The following TCF12 variants were observed in gnomAD, a reference collection of about 807,000 sequenced individuals.
TCF12 encodes the protein DNA-binding protein HTF4.
In TCF12, 45 loss-of-function variants were observed where a neutral mutation model predicts 86.0. That is an observed-to-expected ratio of 0.52 (90% CI 0.41 to 0.67). TCF12 has a LOEUF of 0.67. TCF12 is among the 30% of genes least tolerant of loss of function. TCF12 has a pLI of 0.00. For synonymous variants in TCF12, 330 were observed against 299.6 expected, an observed-to-expected ratio of 1.10 and a Z score of -1.05; for missense variants, 881 against 859.9, an observed-to-expected ratio of 1.02 and a Z score of -0.31.
chr15:57,043,093 A>AG (rs2067003866), intron 3 of TCF12, among the ~76,000 whole-genome samples: 1 of 152,164 alleles, frequency 6.6e-6, no homozygotes, highest in Non-Finnish European at 1.5e-5. Context: ...TCTTTCTTTT[A>AG]AGGCTAAATA....
At chr15:57,128,848 G>A (rs1356258493) in intron 5 of TCF12, among the ~76,000 whole-genome samples, 1 of 152,120 alleles carries the variant, frequency 6.6e-6, no homozygotes, top group Non-Finnish European at 1.5e-5. Flanking sequence ...TCTGTGTTAT[G>A]TTACATAATC....
chr15:56,941,671 GTCT>G (rs765167077), intron 3 of TCF12, among the ~76,000 whole-genome samples: 54 of 150,562 alleles, frequency 3.6e-4, no homozygotes, highest in South Asian at 3.4e-3. Context: ...CACGTGCCTG[GTCT>G]TCTTCTTCTT....
intron 3 of TCF12, among the ~76,000 whole-genome samples, chr15:57,063,245 A>G (rs1395463827): frequency 6.6e-6 from 1 of 152,224 alleles, no homozygotes; most frequent in Non-Finnish European, 1.5e-5. Flanking sequence ...TGTTGATTTG[A>G]TATGGTTGAT....
Position 57,166,395 on chromosome 15 carries a change from T to G in TCF12, c.326-7T>G. The G allele has an allele frequency of 1.2e-6, 2 of 1,610,464 alleles. No homozygotes were observed. The highest frequency in any genetic ancestry group is 1.7e-5 in the Admixed American group (1 of 59,620). On this transcript the variant is annotated splice_region_variant and splice_polypyrimidine_tract_variant and intron_variant, in intron 5 of 20. Transcript: ENST00000333725. ...TTTTATATAAAGTTAATTTCTTTGTTTTATAGGAAAAACATCAGAGAGAGG... is the reference window on the plus strand; with the variant it reads ...TTTTATATAAAGTTAATTTCTTTGTGTTATAGGAAAAACATCAGAGAGAGG...
intron 3 of TCF12, among the ~76,000 whole-genome samples, chr15:56,961,716 A>G (rs1187057635): frequency 6.6e-6 from 1 of 152,208 alleles, no homozygotes; most frequent in Non-Finnish European, 1.5e-5. Flanking sequence ...GTAGAATAGA[A>G]TGGAAGCTAT....
intron 5 of TCF12, among the ~76,000 whole-genome samples, chr15:57,135,529 G>A (rs2151375733): frequency 6.6e-6 from 1 of 152,236 alleles, no homozygotes; most frequent in South Asian, 2.1e-4. Context: ...TTTCAGGTTT[G>A]TAGACATAAA....
chr15:57,031,320 G>C (rs551653099), intron 3 of TCF12, among the ~76,000 whole-genome samples: 10 of 152,144 alleles, frequency 6.6e-5, no homozygotes, highest in Non-Finnish European at 1.5e-4. Flanking sequence ...GTTTATCAGT[G>C]ATCTCCCTGT....
chr15:57,088,567 T>C (rs1243193811), intron 4 of TCF12, among the ~76,000 whole-genome samples: 1 of 152,096 alleles, frequency 6.6e-6, no homozygotes, highest in Non-Finnish European at 1.5e-5. Flanking sequence ...TTCTGGTGTT[T>C]TAATATGGTT....
chr15:56,965,169 A>G (rs2140639781), intron 3 of TCF12, among the ~76,000 whole-genome samples: 1 of 152,280 alleles, frequency 6.6e-6, no homozygotes, highest in East Asian at 1.9e-4. Context: ...ATATAGTATC[A>G]TTTCTATGTT....
intron 3 of TCF12, among the ~76,000 whole-genome samples, chr15:56,950,761 T>C (rs1174159760): frequency 4.9e-5 from 7 of 144,208 alleles, no homozygotes; most frequent in East Asian, 2.0e-4. Flanking sequence ...TTTTTTTTTT[T>C]TTTTTTTTTT....
At chr15:56,955,941 A>G (rs1297002278) in intron 3 of TCF12, among the ~76,000 whole-genome samples, 2 of 152,142 alleles carry the variant, frequency 1.3e-5, no homozygotes. Flanking sequence ...GCTTAGTAGT[A>G]TTATATGTAC....
intron 19 of TCF12, among the ~76,000 whole-genome samples, 194 bp downstream of exon 19, chr15:57,273,456 T>C (rs1379865041): frequency 2.0e-5 from 3 of 152,046 alleles, no homozygotes; most frequent in Non-Finnish European, 4.4e-5. Flanking sequence ...GGGCTGAGTG[T>C]TCTCCACCAA....
intron 4 of TCF12, among the ~76,000 whole-genome samples, chr15:57,082,348 A>G (rs1348746178): frequency 6.6e-6 from 1 of 152,224 alleles, no homozygotes; most frequent in Non-Finnish European, 1.5e-5. Flanking sequence ...ACCAGTGACA[A>G]ACTAAAAATA....
chr15:57,202,679 C>T (rs1285563771), intron 8 of TCF12, among the ~76,000 whole-genome samples: 1 of 151,646 alleles, frequency 6.6e-6, no homozygotes, highest in East Asian at 2.0e-4. Flanking sequence ...TCCTGATCCA[C>T]CTACCTCAGC....
chr15:57,221,924 G>A (rs1437550444), intron 8 of TCF12, among the ~76,000 whole-genome samples: 2 of 151,910 alleles, frequency 1.3e-5, no homozygotes, highest in Admixed American at 6.6e-5. Context: ...ATGTCTGCTT[G>A]TCAATGCCTT....
At chr15:57,259,734 C>T (rs1401968017) in intron 16 of TCF12, among the ~76,000 whole-genome samples, 2 of 152,230 alleles carry the variant, frequency 1.3e-5, no homozygotes, top group Non-Finnish European at 1.5e-5. Flanking sequence ...CAGCTGTATG[C>T]TAACGAGGTG....
intron 16 of TCF12, among the ~76,000 whole-genome samples, chr15:57,261,476 C>G (rs5014892): frequency 0.44 from 66,923 of 151,900 alleles, 16,121 homozygotes; most frequent in Non-Finnish European, 0.54. Context: ...GGATTCAAAG[C>G]TTGGCAGTTT....
At chr15:57,223,069 C>T (rs2058677990) in intron 8 of TCF12, among the ~76,000 whole-genome samples, 1 of 151,894 alleles carries the variant, frequency 6.6e-6, no homozygotes, top group Admixed American at 6.6e-5. Flanking sequence ...ATTGTAAGGG[C>T]TATTCTGTGG....
intron 3 of TCF12, among the ~76,000 whole-genome samples, chr15:56,957,732 C>CTGTAATT (rs1428052765): frequency 6.6e-6 from 1 of 152,088 alleles, no homozygotes; most frequent in Non-Finnish European, 1.5e-5. Context: ...TTTATCTGCC[C>CTGTAATT]TGTAATTTTT....
Sources: allele counts gnomAD v4.1 joint callset (sites outside exome capture counted in the v4.1 genomes callset), GRCh38; gene constraint gnomAD v4.1.1; transcripts MANE v1.5; gene names NCBI Gene and HGNC (gene_info 2026-07-23, HGNC 2026-07-21).